The following ZNF654 variants were observed in gnomAD, a reference collection of about 807,000 sequenced individuals.
ZNF654 encodes melanoma-associated antigen.
A neutral mutation model predicts 95.3 loss-of-function variants in ZNF654; 19 were observed. The ratio of observed to expected loss-of-function variants is 0.20; its 90% CI spans 0.14 to 0.29. ZNF654 has a LOEUF of 0.29. ZNF654 is among the 10% of genes least tolerant of loss of function. The pLI is 1.00. For missense variants in ZNF654, 1,046 were observed against 1,341.0 expected (o/e 0.78, Z 3.44); for synonymous variants, 413 against 457.9 (o/e 0.90, Z 1.25).
intron 1 of ZNF654, 54 bp downstream of exon 1, chr3:88,059,559 C>A (rs866766832): frequency 1.4e-6 from 2 of 1,446,410 alleles, no homozygotes; most frequent in Non-Finnish European, 9.0e-7. Flanking sequence ...GGCCTCTCTG[C>A]GTCTCCTGGT....
At position 88,139,066 on chromosome 3, in the gene ZNF654, G is replaced by A. The variant is rs2107887696; in HGVS notation, c.1397G>A (p.Ser466Asn). Residue 466 changes from serine (S) to asparagine (N), a missense_variant, in exon 8 of 9, where the codon AGT becomes AAT. Transcript: ENST00000636215. ...AAGAAAAACTGTGTAGCATTATTGA[G>A]TGATAAATCAGCAGTTAGATTTCTA... The part of the protein sequence containing the change: ...MIKKNCVALL[S>N]DKSAVRFLNE... 2 of 1,264,230 alleles carry A rather than the reference G, an allele frequency of 1.6e-6. No homozygotes were observed. The highest frequency in any genetic ancestry group is 9.9e-7 in the Non-Finnish European group (1 of 1,007,674). 78.3% of individuals were successfully genotyped at this position (1,264,230 alleles called of 1,614,324 possible). A position where few individuals can be genotyped will look rare whatever the true frequency, so the allele number is the denominator to read the frequency against.
At chr3:88,093,025 C>T (rs1703841070) in intron 2 of ZNF654, among the ~76,000 whole-genome samples, 1 of 152,172 alleles carries the variant, frequency 6.6e-6, no homozygotes, top group East Asian at 1.9e-4. Context: ...AATTATAATT[C>T]TGTCTAACTT....
chr3:88,125,497 T>G (rs1339708351), intron 3 of ZNF654, among the ~76,000 whole-genome samples: 1 of 69,380 alleles, frequency 1.4e-5, no homozygotes, highest in African/African-American at 3.6e-5. Context: ...ACAATACATC[T>G]TTATCTTAAA....
At chr3:88,079,071 C>T (rs77621134) in intron 1 of ZNF654, among the ~76,000 whole-genome samples, 4,456 of 151,838 alleles carry the variant, frequency 0.029, 202 homozygotes, top group African/African-American at 0.097. Flanking sequence ...ACAGTTATAC[C>T]GTAAAAAATC....
intron 3 of ZNF654, among the ~76,000 whole-genome samples, chr3:88,124,923 A>G (rs1242046150): frequency 2.6e-5 from 4 of 152,176 alleles, no homozygotes; most frequent in Non-Finnish European, 4.4e-5. Flanking sequence ...CATTTTAAAA[A>G]ACAATACCTT....
rs1414348471 is a variant in ZNF654 at position 88,139,571 on chromosome 3, T to C, written c.1902T>C (p.Asp634=). The C allele has an allele frequency of 1.9e-6, 3 of 1,613,638 alleles. No individual in the cohort carries two copies. The highest frequency in any genetic ancestry group is 2.5e-6 in the Non-Finnish European group (3 of 1,179,760). ...SSISFENGNS[D]SKDLEVETLT... is the part of the protein sequence containing the mutation. ...TTTCATTTGAAAATGGGAATTCTGA[T>C]AGTAAGGATTTGGAAGTGGAGACAC... is the stretch of plus-strand genomic sequence containing the variant. The change falls in exon 8 of 9, where the codon GAT becomes GAC. Residue 634 remains aspartate, a synonymous_variant. Transcript: ENST00000636215.
rs556618549 is a variant in ZNF654 at position 88,142,184 on chromosome 3, T to A, written c.*532T>A. The A allele has an allele frequency of 6.6e-6, 1 of 152,386 alleles. No individual in the cohort carries two copies. The highest frequency in any genetic ancestry group is 2.4e-5 in the African/African-American group (1 of 41,424). The allele number at this position is 152,386 out of a possible 1,614,324, so 9.4% of individuals were successfully genotyped here. On this transcript the variant is annotated 3_prime_UTR_variant, in exon 9 of 9. Coordinates refer to ENST00000636215, the MANE Select transcript of ZNF654 (RefSeq NM_001350134.2). ...GGTTTGTGATTGATTTAGAAACTTA[T>A]ACATTAACTTACCACAGTGCTATCA... is the stretch of plus-strand genomic sequence containing the variant.
chr3:88,070,874 A>G (rs1335930154), intron 1 of ZNF654, among the ~76,000 whole-genome samples: 1 of 152,208 alleles, frequency 6.6e-6, no homozygotes, highest in Non-Finnish European at 1.5e-5. Context: ...AAAGGGATCA[A>G]GATGTTAATA....
chr3:88,081,360 T>G (rs1412310900), intron 1 of ZNF654, among the ~76,000 whole-genome samples: 1 of 152,188 alleles, frequency 6.6e-6, no homozygotes, highest in Non-Finnish European at 1.5e-5. Flanking sequence ...TTGATAAATG[T>G]CTTGGGGGAG....
chr3:88,083,923 C>A (rs1190164555), intron 1 of ZNF654, among the ~76,000 whole-genome samples: 1 of 129,130 alleles, frequency 7.7e-6, no homozygotes, highest in African/African-American at 2.8e-5. Flanking sequence ...TTTAATAGGA[C>A]AATGTAATGT....
intron 2 of ZNF654, among the ~76,000 whole-genome samples, chr3:88,096,955 C>A (rs1704099503): frequency 6.6e-6 from 1 of 152,040 alleles, no homozygotes; most frequent in Non-Finnish European, 1.5e-5. Context: ...TGTTTTGTAT[C>A]TCTGTTTTTC....
At chr3:88,074,818 G>T (rs1707711538) in intron 1 of ZNF654, among the ~76,000 whole-genome samples, 1 of 152,178 alleles carries the variant, frequency 6.6e-6, no homozygotes, top group South Asian at 2.1e-4. Context: ...GACGATGGAT[G>T]CACAGAAAAC....
chr3:88,093,849 T>A (rs1703891199), intron 2 of ZNF654, among the ~76,000 whole-genome samples: 1 of 152,180 alleles, frequency 6.6e-6, no homozygotes, highest in Admixed American at 6.5e-5. Flanking sequence ...AAAGGTACAT[T>A]TGTTTTTTGC....
chr3:88,109,509 A>G (rs1257627896), intron 2 of ZNF654, among the ~76,000 whole-genome samples: 2 of 152,196 alleles, frequency 1.3e-5, no homozygotes, highest in Non-Finnish European at 2.9e-5. Context: ...TAAGTATCAT[A>G]TTTAGTGGAA....
In ZNF654 at chr3:88,138,986, A is replaced by G. The variant is rs1241368591; in HGVS notation, c.1317A>G (p.Pro439=). The G allele has an allele frequency of 2.4e-6, 3 of 1,246,564 alleles. No homozygotes were observed. Among genetic ancestry groups the G allele is most frequent in the South Asian group, 3.9e-5 (1 of 25,622 alleles). The allele number at this position is 1,246,564 out of a possible 1,614,324, so 77.2% of individuals were successfully genotyped here. Residue 439 remains proline (P), a synonymous_variant, in exon 8 of 9, where the codon CCA becomes CCG. Transcript: ENST00000636215. ...VQNRVRFELL[P]ILKKGLFFDP... The stretch of plus-strand genomic sequence containing the variant: ...ATCGTGTTCGTTTTGAATTGCTTCC[A>G]ATTTTGAAAAAGGGATTGTTTTTTG...
intron 2 of ZNF654, among the ~76,000 whole-genome samples, chr3:88,089,836 A>G (rs1489438114): frequency 6.6e-6 from 1 of 152,202 alleles, no homozygotes; most frequent in Non-Finnish European, 1.5e-5. Context: ...GGGCTAGTCC[A>G]TGGCTAGGGA....
intron 3 of ZNF654, among the ~76,000 whole-genome samples, chr3:88,115,052 T>A (rs953058929): frequency 6.6e-6 from 1 of 152,352 alleles, no homozygotes; most frequent in Admixed American, 6.5e-5. Flanking sequence ...AAGATGGTGT[T>A]CTTTCTCGTC....
rs1466165117 is a variant in ZNF654 at position 88,140,756 on chromosome 3, A to G, written c.3087A>G (p.Lys1029=). 1 of 1,613,628 alleles carries G rather than the reference A, an allele frequency of 6.2e-7. No individual in the cohort carries two copies. Among genetic ancestry groups the G allele is most frequent in the Non-Finnish European group, 8.5e-7 (1 of 1,179,758 alleles). ...TGCCAGTATCTCAGGCACCTTCCAA[A>G]CCAAATCTGACAAGTGAACATACTT... ...NTLPVSQAPS[K]PNLTSEHTSY... Residue 1029 remains lysine (K), a synonymous_variant, in exon 8 of 9, where the codon AAA becomes AAG. Coordinates refer to ENST00000636215, the MANE Select transcript of ZNF654 (RefSeq NM_001350134.2).
At chr3:88,073,785 C>T (rs1311454536) in intron 1 of ZNF654, among the ~76,000 whole-genome samples, 13 of 152,100 alleles carry the variant, frequency 8.5e-5, no homozygotes, top group African/African-American at 2.9e-4. Flanking sequence ...AATTGTTAAT[C>T]AGTAGCTACA....
Sources: allele counts gnomAD v4.1 joint callset (sites outside exome capture counted in the v4.1 genomes callset), GRCh38; gene constraint gnomAD v4.1.1; transcripts MANE v1.5; gene names NCBI Gene and HGNC (gene_info 2026-07-23, HGNC 2026-07-21).